Variants in TMEM232 observed in about 807,000 individuals in gnomAD.
TMEM232 encodes transmembrane protein 232.
TMEM232 carries 80 observed loss-of-function variants against 78.8 expected under a neutral mutation model. The observed-to-expected ratio is 1.01, with a 90% CI of 0.85 to 1.22. TMEM232 has a LOEUF of 1.22. Ranked by LOEUF, TMEM232 falls within the 50% of genes most tolerant of loss-of-function variation. TMEM232 has a pLI of 0.00. For synonymous variants in TMEM232, 297 were observed against 254.3 expected (o/e 1.17, Z -1.60); for missense variants, 881 against 742.2 (o/e 1.19, Z -2.17).
intron 12 of TMEM232, among the ~76,000 whole-genome samples, chr5:110,449,841 T>C (rs1194276409): frequency 1.3e-5 from 2 of 152,124 alleles, no homozygotes; most frequent in African/African-American, 2.4e-5. Flanking sequence ...TCTATTTTGG[T>C]AAAAGCACTA....
chr5:110,629,238 G>C (rs570026126), intron 5 of TMEM232, among the ~76,000 whole-genome samples: 7 of 151,674 alleles, frequency 4.6e-5, no homozygotes, highest in African/African-American at 1.7e-4. Flanking sequence ...GATAAATACT[G>C]AAAAAAAATA....
intron 12 of TMEM232, among the ~76,000 whole-genome samples, chr5:110,443,514 A>G (rs1035569200): frequency 7.2e-5 from 11 of 152,162 alleles, no homozygotes; most frequent in African/African-American, 2.7e-4. Context: ...GGACAAGCCC[A>G]TAAATGCTGT....
At chr5:110,646,877 C>T (rs140881766) in intron 2 of TMEM232, among the ~76,000 whole-genome samples, 1,521 of 151,580 alleles carry the variant, frequency 0.01, 34 homozygotes, top group African/African-American at 0.034. Context: ...GTACAGAGGA[C>T]CTGAATCGAT....
intron 1 of TMEM232, among the ~76,000 whole-genome samples, chr5:110,723,591 T>G (rs1322313608): frequency 1.3e-5 from 2 of 152,330 alleles, no homozygotes; most frequent in African/African-American, 4.8e-5. Flanking sequence ...GCATTACTTC[T>G]GTTTACACAA....
chr5:110,476,989 A>G (rs1284442858), intron 12 of TMEM232, among the ~76,000 whole-genome samples: 1 of 151,974 alleles, frequency 6.6e-6, no homozygotes, highest in African/African-American at 2.4e-5. Flanking sequence ...TGGGACAAAA[A>G]CGGTATGTGA....
chr5:110,561,933 G>C (rs559430744), intron 11 of TMEM232, among the ~76,000 whole-genome samples: 1 of 152,156 alleles, frequency 6.6e-6, no homozygotes, highest in East Asian at 1.9e-4. Context: ...ATATCTCCTT[G>C]TATAAGATTT....
At chr5:110,681,775 C>G (rs573554660) in intron 1 of TMEM232, among the ~76,000 whole-genome samples, 1 of 152,164 alleles carries the variant, frequency 6.6e-6, no homozygotes, top group Non-Finnish European at 1.5e-5. Flanking sequence ...GGAGTTCAAA[C>G]ATTCAGCTTC....
chr5:110,450,688 C>T (rs1580730503), intron 12 of TMEM232, among the ~76,000 whole-genome samples: 1 of 152,096 alleles, frequency 6.6e-6, no homozygotes, highest in Non-Finnish European at 1.5e-5. Context: ...ACAACTGTAC[C>T]AGTGCTTTCC....
chr5:110,647,533 T>C (rs947640202), intron 2 of TMEM232, among the ~76,000 whole-genome samples: 3 of 151,978 alleles, frequency 2.0e-5, no homozygotes, highest in Admixed American at 1.3e-4. Context: ...TTTTGTCGTG[T>C]TTTTATGTGT....
chr5:110,514,902 A>G lies in TMEM232; in HGVS notation c.1703+13686T>C, dbSNP rs192201190. Among the ~76,000 whole-genome samples the G allele has an allele frequency of 2.1e-3, 317 of 152,340 alleles. 2 individuals are homozygous for G. The highest frequency in any genetic ancestry group is 7.1e-3 in the African/African-American group (294 of 41,576). ...TAGAGAGGTTCAAGGCCTAGAAAAAATAAGTTCACTAATGAAAATCAAGTT... is the reference window on the plus strand; with the variant it reads ...TAGAGAGGTTCAAGGCCTAGAAAAAGTAAGTTCACTAATGAAAATCAAGTT... On this transcript the variant is annotated intron_variant, in intron 12 of 13. Coordinates refer to ENST00000455884, the MANE Select transcript of TMEM232 (RefSeq NM_001039763.4).
chr5:110,676,326 AT>A (rs373306591), intron 1 of TMEM232, among the ~76,000 whole-genome samples: 1,764 of 148,294 alleles, frequency 0.012, 42 homozygotes, highest in African/African-American at 0.041. Flanking sequence ...TCTATTTTCA[AT>A]TTTTTTTTTA....
chr5:110,641,483 G>C (rs1485023722), intron 3 of TMEM232, among the ~76,000 whole-genome samples: 1 of 152,112 alleles, frequency 6.6e-6, no homozygotes, highest in Non-Finnish European at 1.5e-5. Context: ...CTGTTGCAGG[G>C]AACACTTGCA....
intron 1 of TMEM232, among the ~76,000 whole-genome samples, chr5:110,669,114 G>A (rs540701668): frequency 2.6e-5 from 4 of 152,036 alleles, no homozygotes; most frequent in African/African-American, 9.7e-5. Flanking sequence ...CAGAAGGCAA[G>A]AAATAACTAA....
chr5:110,568,991 T>C (rs2149685582), intron 10 of TMEM232, among the ~76,000 whole-genome samples: 1 of 151,990 alleles, frequency 6.6e-6, no homozygotes, highest in East Asian at 1.9e-4. Flanking sequence ...TGAATTTTTA[T>C]AATAAAGTAG....
intron 2 of TMEM232, among the ~76,000 whole-genome samples, chr5:110,655,352 T>G (rs1366691087): frequency 1.3e-5 from 2 of 149,016 alleles, no homozygotes; most frequent in Non-Finnish European, 3.0e-5. Flanking sequence ...AAAACCACAA[T>G]GAGATACCAT....
intron 12 of TMEM232, among the ~76,000 whole-genome samples, chr5:110,427,170 C>T (rs1028025256): frequency 6.6e-6 from 1 of 151,870 alleles, no homozygotes; most frequent in Non-Finnish European, 1.5e-5. Context: ...CATATAGGCT[C>T]TCTACTTAGG....
intron 11 of TMEM232, among the ~76,000 whole-genome samples, chr5:110,543,360 T>C (rs1396172608): frequency 2.0e-5 from 3 of 152,176 alleles, no homozygotes; most frequent in Non-Finnish European, 4.4e-5. Context: ...CTTTGTCTAA[T>C]AGAAATGTAG....
intron 10 of TMEM232, among the ~76,000 whole-genome samples, chr5:110,602,176 C>T (rs1780997587): frequency 6.6e-6 from 1 of 152,136 alleles, no homozygotes; most frequent in African/African-American, 2.4e-5. Flanking sequence ...AATGGAAGAT[C>T]TAAAACCACA....
At chr5:110,401,333 T>C (rs183036683) in intron 2 of TMEM232, among the ~76,000 whole-genome samples, 2 of 151,470 alleles carry the variant, frequency 1.3e-5, no homozygotes, top group Admixed American at 1.3e-4. Context: ...TTGCACAAAT[T>C]TCAAGTGTCA....
Sources: allele counts gnomAD v4.1 joint callset (sites outside exome capture counted in the v4.1 genomes callset), GRCh38; gene constraint gnomAD v4.1.1; transcripts MANE v1.5; gene names NCBI Gene and HGNC (gene_info 2026-07-23, HGNC 2026-07-21).